The following WDR64 variants were observed in gnomAD, a reference collection of about 807,000 sequenced individuals.
WDR64 encodes WD repeat-containing protein 64.
Under a neutral mutation model 139.3 loss-of-function variants are expected in WDR64, and 112 were observed. The observed-to-expected ratio is 0.80, with a 90% CI of 0.69 to 0.94. The LOEUF (loss-of-function observed/expected upper bound fraction) is 0.94, where lower values mean the gene tolerates loss of function less well. WDR64 is among the 40% of genes least tolerant of loss of function. The pLI is 0.00. For synonymous variants in WDR64, 444 were observed against 437.7 expected (o/e 1.01, Z -0.18); for missense variants, 1,206 against 1,293.1 (o/e 0.93, Z 1.03).
At position 241,674,556 on chromosome 1, in the gene WDR64, C is replaced by T. The variant is rs79209262; in HGVS notation, c.380-88C>T. 2.0e-3 allele frequency: 1,505 copies of T among 756,448 alleles called. 26 individuals are homozygous for T. The African/African-American group carries it at 0.025, about 12-fold the overall frequency. The allele number at this position is 756,448 out of a possible 1,614,324, so 46.9% of individuals were successfully genotyped here. On this transcript the variant is annotated intron_variant, in intron 3 of 27. Transcript: ENST00000437684. ...AGGAGTGAGCCACTTGTGCCCTGGC[C>T]ATATCATTTTTTAAAAAAACAAATC...
At chr1:241,661,330 T>C (rs1665824532) in intron 2 of WDR64, among the ~76,000 whole-genome samples, 1 of 151,822 alleles carries the variant, frequency 6.6e-6, no homozygotes, top group Admixed American at 6.6e-5. Flanking sequence ...TTGACCACAT[T>C]AGGCTAAAAA....
intron 21 of WDR64, 117 bp downstream of exon 21, chr1:241,775,327 T>C (rs1445492215): frequency 5.7e-6 from 4 of 707,414 alleles, no homozygotes; most frequent in Non-Finnish European, 9.0e-6. Flanking sequence ...CTAAGAGGTA[T>C]GCTCAAGCCT....
intron 10 of WDR64, among the ~76,000 whole-genome samples, chr1:241,731,349 A>G (rs1669070698): frequency 6.6e-6 from 1 of 152,150 alleles, no homozygotes; most frequent in Admixed American, 6.5e-5. Flanking sequence ...TCTCTTAAAA[A>G]AAAAAAAATG....
chr1:241,733,750 T>C (rs1669184775), intron 10 of WDR64, among the ~76,000 whole-genome samples: 1 of 151,992 alleles, frequency 6.6e-6, no homozygotes, highest in Non-Finnish European at 1.5e-5. Context: ...TGATTTTCTC[T>C]ACAAGTCTTA....
chr1:241,763,520 G>C (rs574413830), intron 15 of WDR64, among the ~76,000 whole-genome samples: 1 of 152,254 alleles, frequency 6.6e-6, no homozygotes, highest in Admixed American at 6.5e-5. Context: ...GACCAGCCTG[G>C]CCAGCGAAAC....
chr1:241,768,577 C>T (rs756465372), intron 16 of WDR64, among the ~76,000 whole-genome samples: 1 of 152,240 alleles, frequency 6.6e-6, no homozygotes, highest in Non-Finnish European at 1.5e-5. Flanking sequence ...TTGAGTTCAA[C>T]AAGTCATCAA....
intron 10 of WDR64, among the ~76,000 whole-genome samples, 163 bp from the exon 11 acceptor site, chr1:241,738,200 C>A (rs997950449): frequency 6.6e-6 from 1 of 152,152 alleles, no homozygotes; most frequent in African/African-American, 2.4e-5. Context: ...AATAATCCAA[C>A]CCAGAACTAA....
chr1:241,730,409 T>C (rs1035072514), intron 10 of WDR64, among the ~76,000 whole-genome samples: 17 of 152,226 alleles, frequency 1.1e-4, no homozygotes, highest in Non-Finnish European at 2.5e-4. Flanking sequence ...TGTTTGTGAT[T>C]GTTGCCCTTT....
intron 12 of WDR64, among the ~76,000 whole-genome samples, chr1:241,742,894 G>A (rs547921785): frequency 4.6e-5 from 7 of 152,084 alleles, no homozygotes; most frequent in Admixed American, 2.0e-4. Context: ...GAAGTCATCC[G>A]GCAGTGATGG....
chr1:241,772,303 C>A (rs1273075089), intron 19 of WDR64, among the ~76,000 whole-genome samples: 1 of 136,386 alleles, frequency 7.3e-6, no homozygotes, highest in African/African-American at 2.7e-5. Flanking sequence ...TTTTTCTGTC[C>A]TTTGCCCTGA....
chr1:241,661,906 G>A (rs1344825700), intron 2 of WDR64, among the ~76,000 whole-genome samples: 5 of 152,128 alleles, frequency 3.3e-5, no homozygotes, highest in Non-Finnish European at 2.9e-5. Context: ...AACTGGCCAC[G>A]GTTGCTTCTG....
At chr1:241,678,301 A>G (rs948258097) in intron 5 of WDR64, 85 bp downstream of exon 5, 1 of 397,956 alleles carries the variant, frequency 2.5e-6, no homozygotes, top group African/African-American at 2.1e-5. Context: ...ATCTCAATGA[A>G]GTACTGAATA....
Position 241,771,651 on chromosome 1 carries a change from C to T in WDR64, c.2254-10C>T. On this transcript the variant is annotated splice_polypyrimidine_tract_variant and intron_variant, in intron 18 of 27. Transcript: ENST00000437684. ...ATGGAAGTCTTTTCTCTTTTCCTCCCATAATTCAGGGAAGCAAGCAAAGCA... is the reference window on the plus strand; with the variant it reads ...ATGGAAGTCTTTTCTCTTTTCCTCCTATAATTCAGGGAAGCAAGCAAAGCA... 6.7e-7 allele frequency: 1 copy of T among 1,495,160 alleles called. No individual in the cohort carries two copies. The highest frequency in any genetic ancestry group is 1.4e-5 in the South Asian group (1 of 74,002). 92.6% of individuals were successfully genotyped at this position (1,495,160 alleles called of 1,614,324 possible).
At chr1:241,699,997 A>T (rs1354009182) in intron 8 of WDR64, among the ~76,000 whole-genome samples, 1 of 151,778 alleles carries the variant, frequency 6.6e-6, no homozygotes, top group Non-Finnish European at 1.5e-5. Context: ...AGCTCAAAGG[A>T]GGGAGACCAA....
chr1:241,789,758 G>C (rs994721514), intron 24 of WDR64, among the ~76,000 whole-genome samples: 3 of 152,016 alleles, frequency 2.0e-5, no homozygotes, highest in African/African-American at 7.2e-5. Flanking sequence ...AGGAGGGAGA[G>C]GATCAGGAAA....
chr1:241,680,813 C>T (rs1262718803), intron 6 of WDR64, among the ~76,000 whole-genome samples: 2 of 152,226 alleles, frequency 1.3e-5, no homozygotes, highest in East Asian at 3.9e-4. Flanking sequence ...CTCTTTCTGG[C>T]TCTAACCAGC....
intron 9 of WDR64, among the ~76,000 whole-genome samples, chr1:241,721,190 C>T (rs1187706700): frequency 6.6e-6 from 1 of 151,968 alleles, no homozygotes; most frequent in Non-Finnish European, 1.5e-5. Flanking sequence ...CTGTTTTGGT[C>T]ACAGGAGCTT....
At chr1:241,714,187 T>C (rs949907641) in intron 9 of WDR64, among the ~76,000 whole-genome samples, 10 of 152,196 alleles carry the variant, frequency 6.6e-5, no homozygotes, top group Admixed American at 5.2e-4. Context: ...AGAAGGCATG[T>C]AGGCTTGCAA....
At chr1:241,765,031 C>G (rs1658092743) in intron 15 of WDR64, among the ~76,000 whole-genome samples, 1 of 151,826 alleles carries the variant, frequency 6.6e-6, no homozygotes, top group Non-Finnish European at 1.5e-5. Flanking sequence ...CAAAAAAAAT[C>G]AAAACATTAG....
Sources: allele counts gnomAD v4.1 joint callset (sites outside exome capture counted in the v4.1 genomes callset), GRCh38; gene constraint gnomAD v4.1.1; transcripts MANE v1.5; gene names NCBI Gene and HGNC (gene_info 2026-07-23, HGNC 2026-07-21).